TNIK: variants seen among roughly 807,000 people sequenced by gnomAD.
TNIK encodes TRAF2 and NCK interacting kinase, also known as TRAF2 and NCK-interacting protein kinase.
In TNIK, 49 loss-of-function variants were observed where a neutral mutation model predicts 191.3. The ratio of observed to expected loss-of-function variants is 0.26; its 90% CI spans 0.20 to 0.32. The LOEUF (loss-of-function observed/expected upper bound fraction) is 0.32. Ranked by LOEUF, TNIK falls within the 10% of genes least tolerant of loss-of-function variation. TNIK has a pLI of 1.00. For missense variants in TNIK, 1,155 were observed against 1,702.3 expected (o/e 0.68, Z 5.66); for synonymous variants, 594 against 600.9 (o/e 0.99, Z 0.17).
At chr3:171,202,615 C>A (rs1366923764) in intron 4 of TNIK, among the ~76,000 whole-genome samples, 1 of 152,170 alleles carries the variant, frequency 6.6e-6, no homozygotes, top group Admixed American at 6.5e-5. Flanking sequence ...AAATGAAATT[C>A]TTTGGGACAA....
At chr3:171,388,717 A>C (rs1301125057) in intron 1 of TNIK, among the ~76,000 whole-genome samples, 3 of 152,216 alleles carry the variant, frequency 2.0e-5, no homozygotes, top group Non-Finnish European at 4.4e-5. Context: ...AATCAGAGTA[A>C]GCATCGTGTA....
At chr3:171,118,169 G>T (rs1235160478) in intron 18 of TNIK, among the ~76,000 whole-genome samples, 1 of 152,084 alleles carries the variant, frequency 6.6e-6, no homozygotes, top group African/African-American at 2.4e-5. Flanking sequence ...GACAAATCAT[G>T]AGTGAACTCC....
chr3:171,243,100 T>C (rs937787958), intron 2 of TNIK, among the ~76,000 whole-genome samples: 2 of 152,156 alleles, frequency 1.3e-5, no homozygotes, highest in Non-Finnish European at 2.9e-5. Context: ...AGAAGAGAAA[T>C]AGAAATACTT....
rs1465362099 is a variant in TNIK, at chr3:171,066,586, G to A, written c.3849C>T (p.Pro1283=). ...GAATGGTTAACCTACCCACAGACGT[G>A]GGCATTTCTCCCCATTGGAGCACCA... ...KDVVLQWGEM[P]TSVAYIHSNQ... The change falls in exon 31 of 33, where the codon CCC becomes CCT. Residue 1283 remains proline, a synonymous_variant. Coordinates refer to ENST00000436636, the MANE Select transcript of TNIK (RefSeq NM_015028.4). The A allele has an allele frequency of 3.1e-6, 5 of 1,612,872 alleles. No homozygotes were observed. Among genetic ancestry groups the A allele is most frequent in the Non-Finnish European group, 4.2e-6 (5 of 1,179,786 alleles).
intron 20 of TNIK, among the ~76,000 whole-genome samples, chr3:171,107,774 T>C (rs1725154630): frequency 6.6e-6 from 1 of 152,224 alleles, no homozygotes. Context: ...TCAACATCTT[T>C]TTGCCAAAGT....
At chr3:171,204,558 T>C (rs1164178745) in intron 4 of TNIK, among the ~76,000 whole-genome samples, 1 of 152,234 alleles carries the variant, frequency 6.6e-6, no homozygotes, top group Non-Finnish European at 1.5e-5. Context: ...CCTAACAAAA[T>C]GCCACTAGTC....
chr3:171,294,016 G>C (rs1412192634), intron 2 of TNIK, among the ~76,000 whole-genome samples: 2 of 152,196 alleles, frequency 1.3e-5, no homozygotes, highest in Non-Finnish European at 2.9e-5. Flanking sequence ...CCTGAGGTCA[G>C]GAGTTCAAGA....
chr3:171,188,600 C>A, intron 7 of TNIK, 102 bp downstream of exon 7: 1 of 1,424,524 alleles, frequency 7.0e-7, no homozygotes, highest in Non-Finnish European at 9.4e-7. Context: ...TTCAGTTCTC[C>A]CTTTGGGTGA....
chr3:171,422,642 T>C (rs1362467698), intron 1 of TNIK, among the ~76,000 whole-genome samples: 3 of 152,216 alleles, frequency 2.0e-5, no homozygotes, highest in African/African-American at 7.2e-5. Context: ...CTGGAAACTG[T>C]GCTATGCACT....
chr3:171,316,145 A>T (rs1237116960), intron 2 of TNIK, among the ~76,000 whole-genome samples: 2 of 152,116 alleles, frequency 1.3e-5, no homozygotes, highest in African/African-American at 4.8e-5. Context: ...CATCTCTGCC[A>T]GAAGACTGTA....
At position 171,235,746 on chromosome 3, in the gene TNIK, T is replaced by TTTTTG. The variant is rs796714576; in HGVS notation, c.124-7530_124-7526dup. ...CCATATGTTTTTGTTGTTGTTGTTGTTTTTGTTTTGTTTTGTTTTGGTGGG... is the reference window on the plus strand; with the variant it reads ...CCATATGTTTTTGTTGTTGTTGTTGTTTTTGTTTTGTTTTGTTTTGTTTTGGTGGG... On this transcript the variant is annotated intron_variant, in intron 2 of 32. Coordinates refer to ENST00000436636, the MANE Select transcript of TNIK (RefSeq NM_015028.4). 1.3e-3 allele frequency among the ~76,000 whole-genome samples: 187 copies of TTTTTG among 142,472 alleles called. 1 individual carries two copies. Among genetic ancestry groups the TTTTTG allele is most frequent in the African/African-American group, 4.6e-3 (177 of 38,750 alleles). 93.5% of individuals were successfully genotyped at this position (142,472 alleles called of 152,430 possible). A position where few individuals can be genotyped will look rare whatever the true frequency, so the allele number is the denominator to read the frequency against.
chr3:171,415,707 A>C (rs547120170), intron 1 of TNIK, among the ~76,000 whole-genome samples: 9 of 152,240 alleles, frequency 5.9e-5, no homozygotes, highest in African/African-American at 2.2e-4. Flanking sequence ...TTAGCTGGGC[A>C]CGATGACTCA....
intron 12 of TNIK, among the ~76,000 whole-genome samples, chr3:171,146,747 G>A (rs918065009): frequency 6.6e-6 from 1 of 152,010 alleles, no homozygotes; most frequent in African/African-American, 2.4e-5. Context: ...AAAATTAGCT[G>A]GGTGTGATGG....
chr3:171,104,087 A>ATT (rs1560114822), intron 21 of TNIK, among the ~76,000 whole-genome samples: 1 of 1,182 alleles, frequency 8.5e-4, no homozygotes, highest in Non-Finnish European at 1.9e-3. Context: ...GGAAATTTTC[A>ATT]ATTAACAGTT....
intron 1 of TNIK, among the ~76,000 whole-genome samples, chr3:171,394,061 C>T (rs531231931): frequency 6.6e-6 from 1 of 152,304 alleles, no homozygotes; most frequent in African/African-American, 2.4e-5. Flanking sequence ...ATGAGTACAG[C>T]CATCTTTTCC....
chr3:171,365,246 G>A (rs1339492665), intron 2 of TNIK, among the ~76,000 whole-genome samples: 6 of 126,462 alleles, frequency 4.7e-5, no homozygotes, highest in African/African-American at 1.5e-4. Flanking sequence ...GCAATGGTGC[G>A]ATCTCAGCTC....
chr3:171,459,171 G>T (rs1435157820), intron 1 of TNIK, among the ~76,000 whole-genome samples: 1 of 152,094 alleles, frequency 6.6e-6, no homozygotes. Context: ...TGGGGCTGGG[G>T]GGAGGGAGGT....
At chr3:171,122,447 C>T (rs765795171) in intron 18 of TNIK, among the ~76,000 whole-genome samples, 1 of 152,104 alleles carries the variant, frequency 6.6e-6, no homozygotes, top group Non-Finnish European at 1.5e-5. Context: ...GTGAATCAGA[C>T]AAGTCACTGG....
chr3:171,437,611 T>C (rs1052524599), intron 1 of TNIK, among the ~76,000 whole-genome samples: 7 of 152,238 alleles, frequency 4.6e-5, no homozygotes, highest in East Asian at 1.9e-4. Flanking sequence ...CCATATTAGA[T>C]TGGACCAGCC....
Sources: gnomAD v4.1 joint callset for allele counts (sites outside exome capture counted in the v4.1 genomes callset) on GRCh38, gnomAD v4.1.1 for gene constraint, MANE v1.5 for transcripts, NCBI Gene and HGNC (gene_info 2026-07-23, HGNC 2026-07-21) for gene names.